PRTG: variants seen among roughly 807,000 people sequenced by gnomAD.
The protein encoded by PRTG is protogenin.
PRTG carries 67 observed loss-of-function variants against 122.5 expected under a neutral mutation model. That is an observed-to-expected ratio of 0.55 (90% CI 0.45 to 0.67). The LOEUF (loss-of-function observed/expected upper bound fraction) is 0.67, where lower values mean the gene tolerates loss of function less well. PRTG is among the 30% of genes least tolerant of loss of function. The pLI, the probability that PRTG is intolerant of heterozygous loss-of-function variation, is 0.00. For synonymous variants in PRTG, 554 were observed against 501.1 expected, an observed-to-expected ratio of 1.11 and a Z score of -1.41; for missense variants, 1,435 against 1,415.4, an observed-to-expected ratio of 1.01 and a Z score of -0.22.
At chr15:55,699,801 A>G (rs2141839112) in intron 2 of PRTG, among the ~76,000 whole-genome samples, 1 of 152,302 alleles carries the variant, frequency 6.6e-6, no homozygotes, top group Middle Eastern at 3.4e-3. Flanking sequence ...TCATCCAGGA[A>G]CTAGCATGAT....
chr15:55,622,216 G>GTTTTTTTTTTT (rs35973280), intron 18 of PRTG, among the ~76,000 whole-genome samples: 1 of 113,412 alleles, frequency 8.8e-6, no homozygotes, highest in African/African-American at 3.4e-5. Flanking sequence ...ATTAGTACTT[G>GTTTTTTTTTTT]TTTTTTTTTT....
At chr15:55,637,571 CG>C (rs1311135901) in intron 14 of PRTG, among the ~76,000 whole-genome samples, 30 of 152,254 alleles carry the variant, frequency 2.0e-4, no homozygotes, top group African/African-American at 7.2e-4. Context: ...TCTAAGTTAA[CG>C]GGATAGCATT....
At chr15:55,687,440 T>A (rs539949236) in intron 2 of PRTG, among the ~76,000 whole-genome samples, 1 of 152,338 alleles carries the variant, frequency 6.6e-6, no homozygotes, top group East Asian at 1.9e-4. Context: ...GCCAGCCACA[T>A]AGGCAACTGA....
Position 55,733,720 on chromosome 15 carries a change from G to C in PRTG, c.397+6662C>G, listed in dbSNP as rs532234203. Among the ~76,000 whole-genome samples, 28 of 152,048 alleles carry C rather than the reference G, an allele frequency of 1.8e-4. No individual in the cohort carries two copies. The South Asian group carries it at 2.3e-3, about 12-fold the overall frequency. On this transcript the variant is annotated intron_variant, in intron 2 of 19. Coordinates refer to ENST00000389286, the MANE Select transcript of PRTG (RefSeq NM_173814.6). Reference sequence around the variant, plus strand: ...CACGTGCCTGTAGCTCCAGCTACTCGGTAGACTGAAGAGGGAAAATCACTT... The same window carrying C: ...CACGTGCCTGTAGCTCCAGCTACTCCGTAGACTGAAGAGGGAAAATCACTT...
Position 55,672,513 on chromosome 15 carries a change from T to C in PRTG, c.1973A>G (p.Glu658Gly), listed in dbSNP as rs766268790. The stretch of plus-strand genomic sequence containing the variant: ...AATGGGCCCATTCTCCTGCTGCCCT[T>C]CTTCCTTGTAGTACAGCTTGTAGCC... ...IQGYKLYYKE[E>G]GQQENGPIFL... is the part of the protein sequence containing the mutation. Residue 658 changes from glutamate to glycine, a missense_variant, in exon 11 of 20, where the codon GAA becomes GGA. Physicochemically the swap from Glu to Gly is moderately conservative, Grantham distance 98. Transcript: ENST00000389286. 1.2e-6 allele frequency: 2 copies of C among 1,614,130 alleles called. No individual in the cohort carries two copies. Among genetic ancestry groups the C allele is most frequent in the Non-Finnish European group, 1.7e-6 (2 of 1,180,008 alleles).
At chr15:55,631,996 C>T (rs2059230152) in intron 15 of PRTG, among the ~76,000 whole-genome samples, 1 of 152,080 alleles carries the variant, frequency 6.6e-6, no homozygotes. Flanking sequence ...TGGAGAAGTG[C>T]CCCAGGATAC....
intron 2 of PRTG, among the ~76,000 whole-genome samples, chr15:55,691,258 T>C (rs1350640359): frequency 7.1e-6 from 1 of 140,422 alleles, no homozygotes; most frequent in Non-Finnish European, 1.5e-5. Flanking sequence ...ATCGCACCAC[T>C]GCACTCCAGC....
chr15:55,632,300 T>C (rs1362558116), intron 15 of PRTG, among the ~76,000 whole-genome samples: 2 of 152,144 alleles, frequency 1.3e-5, no homozygotes, highest in Non-Finnish European at 2.9e-5. Context: ...TTTCTACTTA[T>C]GTTCCAACAG....
rs2059142483 is a variant in PRTG, at chr15:55,616,508, C to T, written c.*3504G>A. ...CTGATATTTCTGTTGACATTTCACA[C>T]TCAAGGTGCTTTGGAAAGTATCACA... is the stretch of plus-strand genomic sequence containing the variant. On this transcript the variant is annotated 3_prime_UTR_variant, in exon 20 of 20. Transcript: ENST00000389286. The T allele has an allele frequency of 6.6e-6, 1 of 152,142 alleles. No individual in the cohort carries two copies. The highest frequency in any genetic ancestry group is 1.5e-5 in the Non-Finnish European group (1 of 68,004). 9.4% of individuals were successfully genotyped at this position (152,142 alleles called of 1,614,324 possible).
At chr15:55,627,161 T>C in intron 16 of PRTG, 33 bp from the exon 17 acceptor site, 1 of 1,483,608 alleles carries the variant, frequency 6.7e-7, no homozygotes. Context: ...TCAGAATCAA[T>C]CAGAAAAATA....
At chr15:55,714,973 CTAA>C (rs2030546004) in intron 2 of PRTG, among the ~76,000 whole-genome samples, 1 of 152,122 alleles carries the variant, frequency 6.6e-6, no homozygotes, top group Non-Finnish European at 1.5e-5. Context: ...ATAAAATACT[CTAA>C]TAATGATACT....
At chr15:55,689,855 G>C (rs1015566479) in intron 2 of PRTG, among the ~76,000 whole-genome samples, 5 of 151,794 alleles carry the variant, frequency 3.3e-5, no homozygotes, top group African/African-American at 1.2e-4. Flanking sequence ...GTGAACCCAG[G>C]AGGTGGAGCT....
In PRTG at chr15:55,620,249, A is replaced by G; in HGVS notation, c.3216T>C (p.Thr1072=). ...IQVEQPQRRF[T]PAVCFYQPGT... Reference sequence around the variant, plus strand: ...CTGGCTGGTAAAAGCAGACCGCTGGAGTAAATCTTCTTTGAGGCTAGGCAA... The same window carrying G: ...CTGGCTGGTAAAAGCAGACCGCTGGGGTAAATCTTCTTTGAGGCTAGGCAA... The change falls in exon 20 of 20, where the codon ACT becomes ACC. Residue 1072 remains threonine (T), a synonymous_variant. Coordinates refer to ENST00000389286, the MANE Select transcript of PRTG (RefSeq NM_173814.6). 1 of 1,614,046 alleles carries G rather than the reference A, an allele frequency of 6.2e-7. No individual in the cohort carries two copies. Among genetic ancestry groups the G allele is most frequent in the Non-Finnish European group, 8.5e-7 (1 of 1,179,960 alleles).
intron 12 of PRTG, among the ~76,000 whole-genome samples, chr15:55,640,781 G>A (rs892709562): frequency 2.0e-5 from 3 of 151,882 alleles, no homozygotes; most frequent in East Asian, 1.9e-4. Context: ...AGGCCAAGGC[G>A]GGTAGATCAC....
At chr15:55,713,328 T>C (rs1045013809) in intron 2 of PRTG, among the ~76,000 whole-genome samples, 1 of 152,212 alleles carries the variant, frequency 6.6e-6, no homozygotes, top group African/African-American at 2.4e-5. Context: ...AATTTAACTA[T>C]ATGTAGCACC....
intron 11 of PRTG, among the ~76,000 whole-genome samples, chr15:55,643,336 A>G (rs545662589): frequency 2.1e-4 from 32 of 152,316 alleles, no homozygotes; most frequent in Admixed American, 1.8e-3. Context: ...ACTATCCTAT[A>G]GAAAATGTCT....
intron 11 of PRTG, among the ~76,000 whole-genome samples, chr15:55,660,711 T>C (rs1483820047): frequency 1.3e-5 from 2 of 152,184 alleles, no homozygotes; most frequent in East Asian, 1.9e-4. Context: ...CCAAGGAAAC[T>C]TTTATTTGAG....
intron 2 of PRTG, chr15:55,702,902 AG>A: frequency 6.1e-6 from 6 of 985,312 alleles, no homozygotes; most frequent in Non-Finnish European, 7.2e-6. Flanking sequence ...GACCTTTTAC[AG>A]GCTGCTGATC....
chr15:55,725,784 CTATT>C (rs1460653470), intron 2 of PRTG, among the ~76,000 whole-genome samples: 1 of 152,078 alleles, frequency 6.6e-6, no homozygotes, highest in African/African-American at 2.4e-5. Context: ...CTTTATTTAT[CTATT>C]TGAGACACAG....
Sources: allele counts gnomAD v4.1 joint callset (sites outside exome capture counted in the v4.1 genomes callset), GRCh38; gene constraint gnomAD v4.1.1; transcripts MANE v1.5; gene names NCBI Gene and HGNC (gene_info 2026-07-23, HGNC 2026-07-21).